The following ABCC8 variants were observed in gnomAD, a reference collection of about 807,000 sequenced individuals.
The protein encoded by ABCC8 is ATP-binding cassette sub-family C member 8.
In ABCC8, 137 loss-of-function variants were observed where a neutral mutation model predicts 188.0. The observed-to-expected ratio is 0.73, with a 90% confidence interval of 0.63 to 0.84. The LOEUF (loss-of-function observed/expected upper bound fraction) is 0.84, where lower values mean the gene tolerates loss of function less well. ABCC8 is among the 40% of genes least tolerant of loss of function. The pLI is 0.00. For synonymous variants in ABCC8, 797 were observed against 846.5 expected (o/e 0.94, Z 1.01); for missense variants, 1,750 against 2,072.7 (o/e 0.84, Z 3.02).
downstream of ABCC8, chr11:17,392,805 G>T: frequency 2.9e-6 from 2 of 696,202 alleles, no homozygotes; most frequent in Non-Finnish European, 2.5e-6. Flanking sequence ...CACAGCTTCT[G>T]CCTGATGTCA....
intron 16 of ABCC8, among the ~76,000 whole-genome samples, chr11:17,424,337 T>TA (rs1230355215): frequency 1.3e-4 from 20 of 151,886 alleles, no homozygotes; most frequent in Middle Eastern, 3.4e-3. Context: ...TAAAAAATAA[T>TA]AAAAAAAAGA....
intron 11 of ABCC8, among the ~76,000 whole-genome samples, chr11:17,431,994 G>A (rs544480996): frequency 6.6e-6 from 1 of 152,254 alleles, no homozygotes; most frequent in African/African-American, 2.4e-5. Flanking sequence ...CTAAGCCTCC[G>A]GTCTTCCAGG....
At chr11:17,412,851 C>T (rs1025656697) in intron 20 of ABCC8, 105 bp from the exon 21 acceptor site, 27 of 1,543,626 alleles carry the variant, frequency 1.7e-5, no homozygotes, top group Non-Finnish European at 2.2e-5. Context: ...CTGGCTCTAT[C>T]CACTTCTTTG....
chr11:17,397,403 G>T, intron 31 of ABCC8, 90 bp from the exon 32 acceptor site: 1 of 1,589,504 alleles, frequency 6.3e-7, no homozygotes, highest in Admixed American at 1.7e-5. Context: ...CTGGAGAGGG[G>T]CCAGGGCCCC....
At chr11:17,448,784 C>T in intron 7 of ABCC8, 113 bp from the exon 8 acceptor site, 1 of 1,566,432 alleles carries the variant, frequency 6.4e-7, no homozygotes, top group Non-Finnish European at 8.7e-7. Flanking sequence ...CCCATGGTGC[C>T]CTAGAGCAGC....
chr11:17,418,171 A>T (rs746004317), intron 16 of ABCC8, among the ~76,000 whole-genome samples: 1 of 152,216 alleles, frequency 6.6e-6, no homozygotes, highest in Non-Finnish European at 1.5e-5. Context: ...TAACTTGCCC[A>T]AAGTCACACA....
Position 17,407,344 on chromosome 11 carries a change from T to C in ABCC8, c.2920+10A>G. On this transcript the variant is annotated intron_variant, in intron 24 of 38. Coordinates refer to ENST00000389817, the MANE Select transcript of ABCC8 (RefSeq NM_000352.6). ...GGCCATAATTTCACTCCCAGTCCCA[T>C]TGCCTGTACCTTCCTCCTCTTCCTC... 6.2e-7 allele frequency: 1 copy of C among 1,614,124 alleles called. No individual in the cohort carries two copies. Among genetic ancestry groups the C allele is most frequent in the Non-Finnish European group, 8.5e-7 (1 of 1,180,018 alleles).
intron 1 of ABCC8, among the ~76,000 whole-genome samples, chr11:17,475,839 C>G (rs1421998994): frequency 6.6e-6 from 1 of 152,158 alleles, no homozygotes; most frequent in Non-Finnish European, 1.5e-5. Flanking sequence ...AGGGGACACC[C>G]TATGAGTTGA....
intron 2 of ABCC8, among the ~76,000 whole-genome samples, chr11:17,473,325 C>A (rs1477775542): frequency 6.6e-6 from 1 of 152,080 alleles, no homozygotes; most frequent in Non-Finnish European, 1.5e-5. Flanking sequence ...GCCTTCTGGT[C>A]TTCTTGCTGG....
chr11:17,430,458 C>T (rs4148620), intron 12 of ABCC8: 11 of 366,824 alleles, frequency 3.0e-5, no homozygotes, highest in South Asian at 1.4e-4. Context: ...CACGTGGGGA[C>T]GGGATGGCCT....
At chr11:17,441,529 G>T (rs1956315453) in intron 10 of ABCC8, among the ~76,000 whole-genome samples, 1 of 152,088 alleles carries the variant, frequency 6.6e-6, no homozygotes, top group African/African-American at 2.4e-5. Context: ...CTTTCCAGGG[G>T]CTTCCACTTG....
intron 33 of ABCC8, chr11:17,396,134 A>G: frequency 8.0e-7 from 1 of 1,244,504 alleles, no homozygotes; most frequent in Non-Finnish European, 1.1e-6. Context: ...AGGGACCGGC[A>G]CGCAAGTGCA....
intron 37 of ABCC8, among the ~76,000 whole-genome samples, 190 bp downstream of exon 37, chr11:17,394,076 G>A (rs183960857): frequency 5.9e-5 from 9 of 152,172 alleles, no homozygotes; most frequent in South Asian, 4.2e-4. Context: ...TTGTGTGTGC[G>A]TGTGTGTGTG....
intron 3 of ABCC8, among the ~76,000 whole-genome samples, chr11:17,466,812 TAC>T (rs1848178945): frequency 6.6e-6 from 1 of 151,922 alleles, no homozygotes; most frequent in Admixed American, 6.6e-5. Context: ...ACTACAGGTG[TAC>T]ATTACCACGC....
chr11:17,440,830 A>T (rs1275753146), intron 10 of ABCC8, among the ~76,000 whole-genome samples: 1 of 152,210 alleles, frequency 6.6e-6, no homozygotes, highest in Non-Finnish European at 1.5e-5. Context: ...ATATTTCCCC[A>T]GTCCCCTAGA....
intron 8 of ABCC8, chr11:17,448,236 C>T: frequency 4.7e-6 from 2 of 429,978 alleles, no homozygotes; most frequent in East Asian, 4.9e-5. Flanking sequence ...AGGTGTGAGC[C>T]CCTGAACCTG....
In ABCC8 at chr11:17,420,147, G is replaced by A. The variant is rs1486921780; in HGVS notation, c.2223-3185C>T. ...GTGGAAACTGAGGTTCAAAGAGTGA[G>A]CTAGGATATACAGGGCTCCACAGCC... On this transcript the variant is annotated intron_variant, in intron 16 of 38. Transcript: ENST00000389817. Among the ~76,000 whole-genome samples, 3 of 152,206 alleles carry A rather than the reference G, an allele frequency of 2.0e-5. No homozygotes were observed. In the East Asian group the frequency reaches 5.8e-4, roughly 29 times the overall value.
intron 3 of ABCC8, 54 bp downstream of exon 3, chr11:17,470,047 A>G (rs1402255953): frequency 8.1e-6 from 13 of 1,596,664 alleles, no homozygotes; most frequent in Non-Finnish European, 1.1e-5. Flanking sequence ...CTCAGTAAAC[A>G]TTATCTGAAG....
chr11:17,461,629 GC>G lies in ABCC8; in HGVS notation c.775del (p.Ala259ProfsTer100). On this transcript the variant is annotated frameshift_variant, in exon 5 of 39. Coordinates refer to ENST00000389817, the MANE Select transcript of ABCC8 (RefSeq NM_000352.6). LOFTEE classifies it high-confidence loss of function. The part of the protein sequence containing the change: ...AIGKLPIAMR[A>X]LTNYQRLCEA... Reference sequence around the variant, plus strand: ...GCAGAGCCGTTGGTAGTTGGTGAGGGCCCTCATGGCGATGGGCAGCTTCCCG... The same window carrying G: ...GCAGAGCCGTTGGTAGTTGGTGAGGGCCTCATGGCGATGGGCAGCTTCCCG... 2 of 1,614,234 alleles carry G rather than the reference GC, an allele frequency of 1.2e-6. No homozygotes were observed.
Sources: gnomAD v4.1 joint callset for allele counts (sites outside exome capture counted in the v4.1 genomes callset) on GRCh38, gnomAD v4.1.1 for gene constraint, MANE v1.5 for transcripts, NCBI Gene and HGNC (gene_info 2026-07-23, HGNC 2026-07-21) for gene names.